CPZ: variants seen among roughly 807,000 people sequenced by gnomAD.
The protein encoded by CPZ is VEZT/CPZ fusion.
CPZ carries 103 observed loss-of-function variants against 61.8 expected under a neutral mutation model. The observed-to-expected ratio is 1.67, with a 90% confidence interval of 1.42 to 1.96. The LOEUF (loss-of-function observed/expected upper bound fraction) is 1.96, where lower values mean the gene tolerates loss of function less well. Ranked by LOEUF, CPZ falls within the 30% of genes most tolerant of loss-of-function variation. The probability of loss-of-function intolerance (pLI) is 0.00; values close to 1 mark genes in which losing one functional copy is unlikely to be tolerated. For synonymous variants in CPZ, 551 were observed against 373.7 expected, an observed-to-expected ratio of 1.47 and a Z score of -5.47; for missense variants, 1,461 against 914.9, an observed-to-expected ratio of 1.60 and a Z score of -7.70.
At chr4:8,615,308 A>C (rs1377673389) in intron 9 of CPZ, among the ~76,000 whole-genome samples, 1 of 152,118 alleles carries the variant, frequency 6.6e-6, no homozygotes, top group Non-Finnish European at 1.5e-5. Context: ...CTCTGTGCCC[A>C]TGTCTGCTCC....
intron 8 of CPZ, among the ~76,000 whole-genome samples, chr4:8,612,533 G>A (rs1036434592): frequency 7.9e-5 from 12 of 152,184 alleles, no homozygotes; most frequent in African/African-American, 2.7e-4. Flanking sequence ...TTGTTTTTAG[G>A]ACAATGTAAG....
chr4:8,619,374 G>A lies in CPZ; in HGVS notation c.1716G>A (p.Lys572=). 2 of 1,614,226 alleles carry A rather than the reference G, an allele frequency of 1.2e-6. No homozygotes were observed. Among genetic ancestry groups the A allele is most frequent in the Non-Finnish European group, 8.5e-7 (1 of 1,180,040 alleles). ...IKKVIIPARM[K]RAGRVDFILQ... ...AAGTCATCATCCCCGCCCGGATGAA[G>A]AGGGCTGGCCGTGTGGACTTCATTC... The change falls in exon 11 of 11, where the codon AAG becomes AAA. Residue 572 remains lysine, a synonymous_variant. Coordinates refer to ENST00000360986, the MANE Select transcript of CPZ (RefSeq NM_001014447.3).
chr4:8,619,621 C>G lies in CPZ; in HGVS notation c.*4C>G, dbSNP rs13101888. 41 of 1,484,030 alleles carry G rather than the reference C, an allele frequency of 2.8e-5. No homozygotes were observed. The highest frequency in any genetic ancestry group is 3.6e-6 in the Non-Finnish European group (4 of 1,118,760). The allele number at this position is 1,484,030 out of a possible 1,614,324, so 91.9% of individuals were successfully genotyped here. A position where few individuals can be genotyped will look rare whatever the true frequency, so the allele number is the denominator to read the frequency against. Reference sequence around the variant, plus strand: ...ACGCTGGCTGCTCAAGTACTAGCCCCGGCCCCAGCACCCGCCAGGATGTGG... The same window carrying G: ...ACGCTGGCTGCTCAAGTACTAGCCCGGGCCCCAGCACCCGCCAGGATGTGG... On this transcript the variant is annotated 3_prime_UTR_variant, in exon 11 of 11. Coordinates refer to ENST00000360986, the MANE Select transcript of CPZ (RefSeq NM_001014447.3).
At chr4:8,597,395 A>T (rs916316170) in intron 1 of CPZ, 6 of 152,090 alleles carry the variant, frequency 3.9e-5, no homozygotes, top group Admixed American at 1.3e-4. Context: ...TCAAGCTGTC[A>T]TGCCTCCTTT....
chr4:8,614,453 A>C lies in CPZ; in HGVS notation c.1458A>C (p.Ile486=). The C allele has an allele frequency of 6.2e-7, 1 of 1,613,692 alleles. No homozygotes were observed. Among genetic ancestry groups the C allele is most frequent in the Non-Finnish European group, 8.5e-7 (1 of 1,179,882 alleles). ...TCCCCCCCGAGGAGGCCCTGTACAT[A>C]CTCTGGCAGCACAACAAGGAGTCAC... ...VKFPPEEALY[I]LWQHNKESLL... is the part of the protein sequence containing the mutation. Residue 486 remains isoleucine (I), a synonymous_variant, in exon 9 of 11, where the codon ATA becomes ATC. Transcript: ENST00000360986.
At chr4:8,606,563 G>A (rs1715025186) in intron 5 of CPZ, among the ~76,000 whole-genome samples, 174 bp from the exon 6 acceptor site, 1 of 152,152 alleles carries the variant, frequency 6.6e-6, no homozygotes, top group Non-Finnish European at 1.5e-5. Flanking sequence ...CATCAGCAAG[G>A]AGCCCCGGGG....
At chr4:8,604,545 G>C (rs1292377612) in intron 4 of CPZ, among the ~76,000 whole-genome samples, 1 of 152,144 alleles carries the variant, frequency 6.6e-6, no homozygotes, top group Non-Finnish European at 1.5e-5. Flanking sequence ...GCAGTGGCAC[G>C]ATCTCGGCTC....
At position 8,598,456 on chromosome 4, in the gene CPZ, C is replaced by A. The variant is rs112590953; in HGVS notation, c.89-997C>A. Among the ~76,000 whole-genome samples the A allele has an allele frequency of 3.3e-3, 506 of 152,348 alleles. 6 individuals carry two copies. Among genetic ancestry groups the A allele is most frequent in the African/African-American group, 0.011 (465 of 41,588 alleles). On this transcript the variant is annotated intron_variant, in intron 1 of 10. Coordinates refer to ENST00000360986, the MANE Select transcript of CPZ (RefSeq NM_001014447.3). ...CCCAGGTTTTGGCTGGAGGTGAAGT[C>A]ACAGCCAGGCAGGCAGGCCTTTTCC...
rs1553876826 is a variant in CPZ at position 8,605,634 on chromosome 4, T to TCCATCCATCCATTCACCC, written c.710-355_710-354insCCATCCATCCATTCACCC. Among the ~76,000 whole-genome samples the TCCATCCATCCATTCACCC allele has an allele frequency of 9.1e-4, 135 of 148,678 alleles. 4 individuals carry two copies. Among genetic ancestry groups the TCCATCCATCCATTCACCC allele is most frequent in the African/African-American group, 3.1e-3 (119 of 38,810 alleles). ...TCCATCCATCCATCCATCATTGATA[T>TCCATCCATCCATTCACCC]ATCCATTCATCCACTCAAGGGCCAA... On this transcript the variant is annotated intron_variant, in intron 4 of 10. Transcript: ENST00000360986.
At position 8,592,827 on chromosome 4, in the gene CPZ, C is replaced by T. The variant is rs1352521142; in HGVS notation, c.-7C>T. ...TGCGCTGGCCGTCCAAGGTCCGCCG[C>T]CCCACCATGCCGCCCCCGCTGCCGC... On this transcript the variant is annotated 5_prime_UTR_variant, in exon 1 of 11. Transcript: ENST00000360986. 1 of 1,461,194 alleles carries T rather than the reference C, an allele frequency of 6.8e-7. No homozygotes were observed. The highest frequency in any genetic ancestry group is 9.0e-7 in the Non-Finnish European group (1 of 1,111,982). 90.5% of individuals were successfully genotyped at this position (1,461,194 alleles called of 1,614,324 possible).
At chr4:8,604,673 G>A (rs1475450807) in intron 4 of CPZ, among the ~76,000 whole-genome samples, 3 of 152,118 alleles carry the variant, frequency 2.0e-5, no homozygotes, top group Non-Finnish European at 4.4e-5. Flanking sequence ...GTAGAGACAG[G>A]GGTTTCACCA....
At chr4:8,613,966 C>T (rs1055728446) in intron 8 of CPZ, among the ~76,000 whole-genome samples, 6 of 152,246 alleles carry the variant, frequency 3.9e-5, no homozygotes, top group South Asian at 4.1e-4. Context: ...TGTTAGAAAC[C>T]GATTCATCCC....
At chr4:8,604,264 A>C (rs901408981) in intron 4 of CPZ, 76 bp downstream of exon 4, 11 of 1,382,186 alleles carry the variant, frequency 8.0e-6, no homozygotes, top group Admixed American at 2.4e-5. Flanking sequence ...CGGGTGCACA[A>C]GTTGGTGGGG....
intron 8 of CPZ, among the ~76,000 whole-genome samples, chr4:8,612,689 C>A (rs910170141): frequency 2.6e-5 from 4 of 152,174 alleles, no homozygotes; most frequent in Admixed American, 6.5e-5. Flanking sequence ...TGCACAGGAG[C>A]AATATAATGG....
intron 7 of CPZ, among the ~76,000 whole-genome samples, chr4:8,609,153 C>CAG (rs1252436296): frequency 2.7e-5 from 4 of 150,068 alleles, no homozygotes; most frequent in Non-Finnish European, 4.5e-5. Flanking sequence ...TTCACCCACT[C>CAG]CCTCACTCAT....
intron 2 of CPZ, among the ~76,000 whole-genome samples, chr4:8,600,742 CT>C (rs1193672238): frequency 6.6e-6 from 1 of 152,244 alleles, no homozygotes; most frequent in East Asian, 1.9e-4. Flanking sequence ...CAGGATGTGT[CT>C]TTTGGGACGT....
At chr4:8,598,800 G>A (rs1714364900) in intron 1 of CPZ, among the ~76,000 whole-genome samples, 1 of 152,366 alleles carries the variant, frequency 6.6e-6, no homozygotes, top group African/African-American at 2.4e-5. Context: ...TTACTGTTGG[G>A]TTCACATGTC....
At chr4:8,614,308 T>C (rs763683492) in intron 8 of CPZ, 51 bp from the exon 9 acceptor site, 3 of 1,581,216 alleles carry the variant, frequency 1.9e-6, no homozygotes, top group South Asian at 1.2e-5. Context: ...ACGTCCCGGC[T>C]GTCTCTGTGC....
chr4:8,609,146 A>AT (rs1715357978), intron 7 of CPZ, among the ~76,000 whole-genome samples: 1 of 126,884 alleles, frequency 7.9e-6, no homozygotes, highest in Non-Finnish European at 1.7e-5. Flanking sequence ...TTACTCATTC[A>AT]CCCACTCCCT....
Sources: gnomAD v4.1 joint callset for allele counts (sites outside exome capture counted in the v4.1 genomes callset) on GRCh38, gnomAD v4.1.1 for gene constraint, MANE v1.5 for transcripts, NCBI Gene and HGNC (gene_info 2026-07-23, HGNC 2026-07-21) for gene names.